KIAA1217: variants seen among roughly 807,000 people sequenced by gnomAD.
KIAA1217 encodes sickle tail protein homolog.
A neutral mutation model predicts 163.9 loss-of-function variants in KIAA1217; 88 were observed. The ratio of observed to expected loss-of-function variants is 0.54; its 90% confidence interval spans 0.45 to 0.64. KIAA1217 has a LOEUF of 0.64. Ranked by LOEUF, KIAA1217 falls within the 30% of genes least tolerant of loss-of-function variation. The probability of loss-of-function intolerance (pLI) is 0.00; values close to 1 mark genes in which losing one functional copy is unlikely to be tolerated. For synonymous variants in KIAA1217, 903 were observed against 923.1 expected (o/e 0.98, Z 0.39); for missense variants, 2,372 against 2,475.0 (o/e 0.96, Z 0.88).
chr10:24,212,103 G>T (rs1316399006), intron 1 of KIAA1217, among the ~76,000 whole-genome samples: 1 of 151,652 alleles, frequency 6.6e-6, no homozygotes, highest in Non-Finnish European at 1.5e-5. Context: ...GAAAAAAAAA[G>T]AAGAGAGAGG....
At chr10:23,930,585 C>T (rs1408962313) in intron 1 of KIAA1217, among the ~76,000 whole-genome samples, 1 of 152,130 alleles carries the variant, frequency 6.6e-6, no homozygotes, top group African/African-American at 2.4e-5. Context: ...TTGGCAGGGC[C>T]TTTCAGAAAT....
At chr10:23,823,933 GA>G (rs1735522437) in intron 1 of KIAA1217, among the ~76,000 whole-genome samples, 1 of 151,692 alleles carries the variant, frequency 6.6e-6, no homozygotes, top group South Asian at 2.1e-4. Context: ...GAGAGGGGGG[GA>G]AAGGAAGGGA....
chr10:24,023,545 T>C (rs1485081639), intron 2 of KIAA1217, among the ~76,000 whole-genome samples: 1 of 151,636 alleles, frequency 6.6e-6, no homozygotes, highest in Non-Finnish European at 1.5e-5. Flanking sequence ...TTTCGATATA[T>C]ATGCAATTTC....
intron 2 of KIAA1217, 118 bp from the exon 3 acceptor site, chr10:24,380,751 A>G: frequency 1.5e-6 from 1 of 685,982 alleles, no homozygotes; most frequent in Non-Finnish European, 2.2e-6. Flanking sequence ...AACCCTTGTG[A>G]TGGACTGTTA....
intron 2 of KIAA1217, among the ~76,000 whole-genome samples, chr10:24,040,471 C>T (rs1253528483): frequency 6.6e-6 from 1 of 152,188 alleles, no homozygotes; most frequent in East Asian, 1.9e-4. Flanking sequence ...CTTGGGCAGA[C>T]ATAAAAGATA....
intron 2 of KIAA1217, among the ~76,000 whole-genome samples, chr10:24,069,424 T>C (rs959472648): frequency 6.6e-6 from 1 of 152,166 alleles, no homozygotes; most frequent in African/African-American, 2.4e-5. Context: ...GCCCCAGGTG[T>C]CTGGCATAAG....
At chr10:24,079,020 A>G (rs77050329) in intron 2 of KIAA1217, among the ~76,000 whole-genome samples, 1,661 of 152,302 alleles carry the variant, frequency 0.011, 18 homozygotes, top group Non-Finnish European at 0.015. Context: ...ACGTCTTAGC[A>G]TGGCGAGGGA....
At chr10:24,493,253 C>T (rs7086244) in intron 6 of KIAA1217, among the ~76,000 whole-genome samples, 2 of 152,096 alleles carry the variant, frequency 1.3e-5, no homozygotes, top group African/African-American at 4.8e-5. Flanking sequence ...ACTCACAAAC[C>T]CAGAGGCCTG....
At chr10:23,796,980 A>C (rs145738631) in intron 1 of KIAA1217, among the ~76,000 whole-genome samples, 1 of 152,214 alleles carries the variant, frequency 6.6e-6, no homozygotes, top group African/African-American at 2.4e-5. Context: ...AGCCAACCCA[A>C]GTAGCTGTGA....
chr10:23,708,981 G>T (rs1837061885), intron 1 of KIAA1217, among the ~76,000 whole-genome samples: 1 of 152,112 alleles, frequency 6.6e-6, no homozygotes, highest in African/African-American at 2.4e-5. Context: ...GAGGAAGGTG[G>T]CTATGCCTAG....
At chr10:23,993,144 G>T (rs1846297038) in intron 1 of KIAA1217, among the ~76,000 whole-genome samples, 1 of 147,472 alleles carries the variant, frequency 6.8e-6, no homozygotes, top group Non-Finnish European at 1.5e-5. Context: ...CAATTCTCCT[G>T]CCTCAGCCTC....
rs758191560 is a variant in KIAA1217, at chr10:24,542,615, A to C, written c.3535-78A>C. The C allele has an allele frequency of 3.1e-6, 5 of 1,587,704 alleles. No homozygotes were observed. In the Admixed American group the frequency reaches 8.4e-5, roughly 27 times the overall value. On this transcript the variant is annotated intron_variant, in intron 17 of 20. Coordinates refer to ENST00000376454, the MANE Select transcript of KIAA1217 (RefSeq NM_019590.5). ...CCGCATGTCTTAGAAATGTAATTAA[A>C]GGAACGATTTAGTTATAGTCCACTT...
chr10:24,057,920 T>C (rs2060585272), intron 2 of KIAA1217, among the ~76,000 whole-genome samples: 1 of 152,178 alleles, frequency 6.6e-6, no homozygotes, highest in African/African-American at 2.4e-5. Flanking sequence ...GTCCCACTTG[T>C]CTATTTTTGT....
intron 1 of KIAA1217, among the ~76,000 whole-genome samples, chr10:23,869,833 T>G (rs1447063198): frequency 6.6e-6 from 1 of 152,264 alleles, no homozygotes; most frequent in South Asian, 2.1e-4. Flanking sequence ...CCTGGGTATT[T>G]GTCTTGCTTC....
At chr10:23,718,400 T>C (rs541133851) in intron 1 of KIAA1217, among the ~76,000 whole-genome samples, 17 of 152,316 alleles carry the variant, frequency 1.1e-4, no homozygotes, top group African/African-American at 3.8e-4. Context: ...ATTAAGCAAA[T>C]TTTGTGTCAG....
rs7478585 is a variant in KIAA1217, at chr10:24,418,943, G to A, written c.554-14052G>A. On this transcript the variant is annotated intron_variant, in intron 3 of 20. Coordinates refer to ENST00000376454, the MANE Select transcript of KIAA1217 (RefSeq NM_019590.5). ...TGTAATCCCAGCAATTTGGGAGGCC[G>A]AGGCAGGCGGATTACCTAAGGTCAG... 1.6e-3 allele frequency among the ~76,000 whole-genome samples: 236 copies of A among 151,880 alleles called. 2 individuals carry two copies. The highest frequency in any genetic ancestry group is 5.3e-3 in the African/African-American group (220 of 41,448).
intron 2 of KIAA1217, among the ~76,000 whole-genome samples, chr10:24,146,587 G>A (rs927603778): frequency 1.3e-5 from 2 of 152,194 alleles, no homozygotes; most frequent in African/African-American, 4.8e-5. Context: ...GGAGATGGAG[G>A]TGGGAGGATC....
chr10:24,526,862 G>C (rs754119285), intron 13 of KIAA1217, among the ~76,000 whole-genome samples: 2 of 152,160 alleles, frequency 1.3e-5, no homozygotes, highest in Non-Finnish European at 2.9e-5. Context: ...GGTTAGAATG[G>C]TGAAGGTGGT....
intron 1 of KIAA1217, among the ~76,000 whole-genome samples, chr10:23,900,687 T>C (rs1229417107): frequency 6.6e-6 from 1 of 152,088 alleles, no homozygotes; most frequent in East Asian, 1.9e-4. Context: ...AGGAGAAGTG[T>C]TGTATTCATC....
Sources: gnomAD v4.1 joint callset for allele counts (sites outside exome capture counted in the v4.1 genomes callset) on GRCh38, gnomAD v4.1.1 for gene constraint, MANE v1.5 for transcripts, NCBI Gene and HGNC (gene_info 2026-07-23, HGNC 2026-07-21) for gene names.